SYNJ2: variants seen among roughly 807,000 people sequenced by gnomAD.
SYNJ2 encodes synaptojanin 2.
A neutral mutation model predicts 141.3 loss-of-function variants in SYNJ2; 116 were observed. That is an observed-to-expected ratio of 0.82 (90% CI 0.71 to 0.96). The LOEUF is 0.96. SYNJ2 is among the 40% of genes least tolerant of loss of function. The pLI is 0.00. For synonymous variants in SYNJ2, 745 were observed against 777.7 expected, an observed-to-expected ratio of 0.96 and a Z score of 0.70; for missense variants, 1,873 against 1,934.8, an observed-to-expected ratio of 0.97 and a Z score of 0.60.
At chr6:158,044,737 G>C (rs1362971783) in intron 5 of SYNJ2, among the ~76,000 whole-genome samples, 1 of 152,072 alleles carries the variant, frequency 6.6e-6, no homozygotes, top group Admixed American at 6.6e-5. Context: ...AACAAACTTT[G>C]TCCCCGTTAG....
At chr6:158,002,540 C>T (rs1439499332) in intron 1 of SYNJ2, among the ~76,000 whole-genome samples, 2 of 152,202 alleles carry the variant, frequency 1.3e-5, no homozygotes, top group African/African-American at 4.8e-5. Flanking sequence ...TCAGAACCTG[C>T]AGCCGCAGGA....
rs1583457990 is a variant in SYNJ2 at position 158,069,938 on chromosome 6, C to T, written c.1940+265C>T. On this transcript the variant is annotated intron_variant, in intron 14 of 26. Transcript: ENST00000355585. ...TGTTACATGATTGTCATCGCCCAAG[C>T]TCAATTCCGTGCAAGGAAAAGGGTT... Among the ~76,000 whole-genome samples the T allele has an allele frequency of 3.9e-5, 6 of 152,234 alleles. No individual in the cohort carries two copies. In the East Asian group the frequency reaches 9.6e-4, roughly 24 times the overall value.
chr6:157,988,538 G>T (rs1777293877), intron 1 of SYNJ2, among the ~76,000 whole-genome samples: 3 of 152,198 alleles, frequency 2.0e-5, no homozygotes, highest in African/African-American at 7.2e-5. Flanking sequence ...CCCAGCCCGT[G>T]TCTCTCTGCT....
At position 158,083,544 on chromosome 6, in the gene SYNJ2, C is replaced by G. The variant is rs1332797229; in HGVS notation, c.2981C>G (p.Ser994Cys). 1 of 1,614,178 alleles carries G rather than the reference C, an allele frequency of 6.2e-7. No individual in the cohort carries two copies. The highest frequency in any genetic ancestry group is 1.1e-5 in the South Asian group (1 of 91,078). ...SMAPVSPTAN[S>C]CLLEENFDFT... Reference sequence around the variant, plus strand: ...GCCCCCGTGTCTCCCACTGCCAACTCCTGTTTGCTGGAGGAAAACTTTGAC... The same window carrying G: ...GCCCCCGTGTCTCCCACTGCCAACTGCTGTTTGCTGGAGGAAAACTTTGAC... The change falls in exon 21 of 27, where the codon TCC becomes TGC. Residue 994 changes from serine to cysteine, a missense_variant. By Grantham distance (112) the Ser-to-Cys change is moderately radical (BLOSUM62 -1). Coordinates refer to ENST00000355585, the MANE Select transcript of SYNJ2 (RefSeq NM_003898.4).
At chr6:158,031,747 C>A (rs1779376549) in intron 3 of SYNJ2, among the ~76,000 whole-genome samples, 1 of 152,160 alleles carries the variant, frequency 6.6e-6, no homozygotes, top group Non-Finnish European at 1.5e-5. Context: ...CTGACAATTG[C>A]CTCCCAGTAC....
intron 11 of SYNJ2, among the ~76,000 whole-genome samples, chr6:158,065,637 G>T (rs1277440378): frequency 6.6e-6 from 1 of 152,182 alleles, no homozygotes; most frequent in Non-Finnish European, 1.5e-5. Flanking sequence ...GAAATGTCAG[G>T]TGTTTTTGAA....
upstream of SYNJ2, among the ~76,000 whole-genome samples, chr6:157,981,402 A>C (rs1301927605): frequency 6.6e-6 from 1 of 152,198 alleles, no homozygotes; most frequent in East Asian, 1.9e-4. The surrounding 1 kb of genome is among the most constrained non-coding windows in gnomAD (Gnocchi z 6.4). Context: ...AAGTAGGCGC[A>C]GTTATGACCC....
In SYNJ2 at chr6:158,076,747, T is replaced by C. The variant is rs1469006521; in HGVS notation, c.2414T>C (p.Leu805Pro). Residue 805 changes from leucine (L) to proline (P), a missense_variant, in exon 17 of 27, where the codon CTG becomes CCG. Leu to Pro is a moderately conservative substitution (Grantham distance 98). Transcript: ENST00000355585. ...CRTPAWTDRV[L>P]WWRKKHPFDK... ...ACCCCCGCCTGGACAGACAGGGTGC[T>C]GTGGTGGAGGAAGAAACATCCCTTT... 1 of 1,613,900 alleles carries C rather than the reference T, an allele frequency of 6.2e-7. No homozygotes were observed. The highest frequency in any genetic ancestry group is 8.5e-7 in the Non-Finnish European group (1 of 1,179,902).
At chr6:158,061,881 C>A in intron 7 of SYNJ2, 111 bp from the exon 8 acceptor site, 1 of 1,100,918 alleles carries the variant, frequency 9.1e-7, no homozygotes, top group Non-Finnish European at 1.3e-6. Flanking sequence ...TAAAGCACGT[C>A]CTGCGGCGAG....
chr6:158,048,178 G>A (rs1780360780), intron 5 of SYNJ2, among the ~76,000 whole-genome samples: 1 of 152,212 alleles, frequency 6.6e-6, no homozygotes, highest in African/African-American at 2.4e-5. Context: ...ACAGGGCAGT[G>A]TTGTGTGGAC....
chr6:158,064,798 C>T (rs753198898), intron 10 of SYNJ2, 28 bp from the exon 11 acceptor site: 10 of 1,610,750 alleles, frequency 6.2e-6, no homozygotes, highest in Non-Finnish European at 8.5e-6. Flanking sequence ...GGACCCCCCT[C>T]ACGGCCTGCG....
chr6:158,028,828 T>G lies in SYNJ2; in HGVS notation c.287T>G (p.Ile96Ser), dbSNP rs1779202005. ...TSVGRIPDAE[I>S]YKITATDFYP... ...GTGGGCAGAATTCCAGATGCTGAAA[T>G]CTACAAAATCACTGCCACTGACTTT... Residue 96 changes from isoleucine to serine, a missense_variant, in exon 3 of 27, where the codon ATC becomes AGC. Transcript: ENST00000355585. The G allele has an allele frequency of 3.1e-6, 5 of 1,614,150 alleles. No homozygotes were observed. Among genetic ancestry groups the G allele is most frequent in the Non-Finnish European group, 4.2e-6 (5 of 1,180,016 alleles).
intron 3 of SYNJ2, 170 bp downstream of exon 3, chr6:158,029,196 C>G (rs1315606376): frequency 3.6e-6 from 3 of 834,966 alleles, no homozygotes; most frequent in African/African-American, 1.7e-5. Flanking sequence ...GAAAACTAAC[C>G]CTGAACTCCC....
chr6:157,997,735 A>G (rs1777689623), intron 1 of SYNJ2, among the ~76,000 whole-genome samples: 1 of 150,364 alleles, frequency 6.7e-6, no homozygotes, highest in South Asian at 2.1e-4. Flanking sequence ...GAGGCTTGGC[A>G]AACACTGTTG....
chr6:158,081,096 G>A lies in SYNJ2; in HGVS notation c.2568-13G>A. On this transcript the variant is annotated splice_polypyrimidine_tract_variant and intron_variant, in intron 18 of 26. Transcript: ENST00000355585. ...CCAGGCTAACTGTCATCCCTCTTTT[G>A]TTCCTAACGCAGACCTGTGCTGGCG... 3.7e-6 allele frequency: 6 copies of A among 1,613,014 alleles called. No homozygotes were observed. Among genetic ancestry groups the A allele is most frequent in the Non-Finnish European group, 5.1e-6 (6 of 1,179,784 alleles).
rs746326562 is a variant in SYNJ2, at chr6:158,084,126, A to G, written c.3160A>G (p.Ser1054Gly). 6.2e-7 allele frequency: 1 copy of G among 1,614,072 alleles called. No individual in the cohort carries two copies. The highest frequency in any genetic ancestry group is 8.5e-7 in the Non-Finnish European group (1 of 1,179,964). ...CGGCCCCACAGCACTGGCTCCTCCCAGCAAGTCACCTGCTCTCACCAAAAA... is the reference window on the plus strand; with the variant it reads ...CGGCCCCACAGCACTGGCTCCTCCCGGCAAGTCACCTGCTCTCACCAAAAA... ...VPGPTALAPP[S>G]KSPALTKKKQ... Residue 1054 changes from serine to glycine, a missense_variant, in exon 22 of 27, where the codon AGC (serine) becomes GGC (glycine). Transcript: ENST00000355585. This position sits in a 1 kb window ranked among gnomAD's most constrained non-coding sequence, Gnocchi z 5.0.
At chr6:158,056,911 AG>A (rs1398278447) in intron 6 of SYNJ2, among the ~76,000 whole-genome samples, 1 of 150,862 alleles carries the variant, frequency 6.6e-6, no homozygotes, top group Non-Finnish European at 1.5e-5. Flanking sequence ...TCCATATCTG[AG>A]GAGGGCTGTT....
intron 2 of SYNJ2, among the ~76,000 whole-genome samples, chr6:158,026,371 G>C (rs541627950): frequency 2.5e-4 from 38 of 152,204 alleles, no homozygotes; most frequent in Non-Finnish European, 4.4e-4. Context: ...CTCTCTGTGC[G>C]TCTGTTTCCC....
rs556472877 is a variant in SYNJ2, at chr6:158,028,678, G to C, written c.215-78G>C. On this transcript the variant is annotated intron_variant, in intron 2 of 26. Transcript: ENST00000355585. ...CCTTCCTGGCTGCGGTTGAACCTGG[G>C]CTCCATTTGTCCCCTTGGAGCTCCA... 9 of 1,555,818 alleles carry C rather than the reference G, an allele frequency of 5.8e-6. No individual in the cohort carries two copies. The African/African-American group carries it at 1.2e-4, about 21-fold the overall frequency.
Sources: gnomAD v4.1 joint callset for allele counts (sites outside exome capture counted in the v4.1 genomes callset) on GRCh38, gnomAD v4.1.1 for gene constraint, Gnocchi (gnomAD v3.1) non-coding constraint, MANE v1.5 for transcripts, NCBI Gene and HGNC (gene_info 2026-07-23, HGNC 2026-07-21) for gene names.